Variants in COLEC12 observed in about 807,000 individuals in gnomAD.
The protein encoded by COLEC12 is collectin-12.
COLEC12 carries 33 observed loss-of-function variants against 71.1 expected under a neutral mutation model. That is an observed-to-expected ratio of 0.46 (90% CI 0.35 to 0.62). The LOEUF (loss-of-function observed/expected upper bound fraction) is 0.62. Among genes scored for constraint, COLEC12 ranks in the 20% least tolerant of loss-of-function variants. COLEC12 has a pLI of 0.00. For synonymous variants in COLEC12, 350 were observed against 353.0 expected, an observed-to-expected ratio of 0.99 and a Z score of 0.10; for missense variants, 765 against 916.1, an observed-to-expected ratio of 0.84 and a Z score of 2.13.
chr18:458,108 T>C lies in COLEC12; in HGVS notation c.58+22599A>G, dbSNP rs550426064. On this transcript the variant is annotated intron_variant, in intron 2 of 9. Transcript: ENST00000400256. ...TTAGATAAACCTCAAGTCCAAAAGT[T>C]GGAAAAAGAGAAAAACGTTCAGCTC... Among the ~76,000 whole-genome samples, 7 of 152,302 alleles carry C rather than the reference T, an allele frequency of 4.6e-5. No homozygotes were observed. In the South Asian group the frequency reaches 1.2e-3, roughly 27 times the overall value.
chr18:352,133 T>C (rs912183674), intron 3 of COLEC12, among the ~76,000 whole-genome samples: 2 of 152,346 alleles, frequency 1.3e-5, no homozygotes, highest in Admixed American at 6.5e-5. Flanking sequence ...GTTCTAATAA[T>C]CTGTACCTTA....
intron 4 of COLEC12, 76 bp from the exon 5 acceptor site, chr18:347,417 A>G: frequency 8.1e-7 from 1 of 1,234,178 alleles, no homozygotes; most frequent in Admixed American, 1.9e-5. Flanking sequence ...TCCCGAACAC[A>G]CTTAATCGGT....
chr18:337,794 G>T (rs973351237), intron 5 of COLEC12, among the ~76,000 whole-genome samples: 13 of 152,120 alleles, frequency 8.5e-5, no homozygotes, highest in Non-Finnish European at 1.5e-4. Flanking sequence ...TGAACTTCTT[G>T]TCTCTTTGCT....
intron 2 of COLEC12, among the ~76,000 whole-genome samples, chr18:358,565 A>G (rs1382562750): frequency 6.6e-6 from 1 of 152,162 alleles, no homozygotes; most frequent in Non-Finnish European, 1.5e-5. Context: ...TAATGCTGCC[A>G]CTGATCTGAC....
intron 2 of COLEC12, among the ~76,000 whole-genome samples, chr18:365,814 T>TCA (rs1914843931): frequency 6.6e-6 from 1 of 152,204 alleles, no homozygotes; most frequent in Non-Finnish European, 1.5e-5. Flanking sequence ...TCTGACCATG[T>TCA]TGGCACTCAG....
rs142831252 is a variant in COLEC12, at chr18:450,441, T to G, written c.58+30266A>C. On this transcript the variant is annotated intron_variant, in intron 2 of 9. Transcript: ENST00000400256. ...TGAGATCTGGTGGTTTACAAGTGTG[T>G]GGCATCTCCCCCACCTTCCTCCTGC... Among the ~76,000 whole-genome samples, 506 of 152,274 alleles carry G rather than the reference T, an allele frequency of 3.3e-3. 1 individual carries two copies. Among genetic ancestry groups the G allele is most frequent in the African/African-American group, 0.011 (468 of 41,544 alleles).
chr18:475,149 C>T (rs1917280641), intron 2 of COLEC12, among the ~76,000 whole-genome samples: 2 of 152,206 alleles, frequency 1.3e-5, no homozygotes, highest in South Asian at 4.2e-4. Context: ...TGAAACTCTC[C>T]CCTTAACTTG....
At chr18:472,024 T>C (rs1917208787) in intron 2 of COLEC12, among the ~76,000 whole-genome samples, 1 of 152,232 alleles carries the variant, frequency 6.6e-6, no homozygotes, top group African/African-American at 2.4e-5. Flanking sequence ...TCATAATACA[T>C]ACATTACATC....
intron 2 of COLEC12, among the ~76,000 whole-genome samples, chr18:400,519 G>A (rs1384521778): frequency 6.6e-6 from 1 of 152,128 alleles, no homozygotes; most frequent in East Asian, 1.9e-4. Flanking sequence ...ACCTTCTGAA[G>A]GGTAATTTCA....
At chr18:320,398 C>A (rs496226) in intron 9 of COLEC12, among the ~76,000 whole-genome samples, 1 of 152,148 alleles carries the variant, frequency 6.6e-6, no homozygotes, top group East Asian at 1.9e-4. Context: ...TGTTTTTCCC[C>A]CTCAACTGAC....
rs974289290 is a variant in COLEC12 at position 473,511 on chromosome 18, G to A, written c.58+7196C>T. On this transcript the variant is annotated intron_variant, in intron 2 of 9. Transcript: ENST00000400256. Reference sequence around the variant, plus strand: ...CCCGAGAAGCTGGGATTACAGGCGCGTGCCACAGCGCTCAGCTAATTTTGT... The same window carrying A: ...CCCGAGAAGCTGGGATTACAGGCGCATGCCACAGCGCTCAGCTAATTTTGT... Among the ~76,000 whole-genome samples the A allele has an allele frequency of 2.0e-4, 11 of 56,406 alleles. 1 individual carries two copies. Among genetic ancestry groups the A allele is most frequent in the Admixed American group, 3.9e-4 (2 of 5,114 alleles). 37.0% of individuals were successfully genotyped at this position (56,406 alleles called of 152,430 possible).
At chr18:463,821 A>G (rs1917033340) in intron 2 of COLEC12, among the ~76,000 whole-genome samples, 1 of 152,130 alleles carries the variant, frequency 6.6e-6, no homozygotes, top group Non-Finnish European at 1.5e-5. Flanking sequence ...TCTTTCACAT[A>G]AAACCATGTA....
chr18:435,128 G>A (rs901690385), intron 2 of COLEC12, among the ~76,000 whole-genome samples: 7 of 152,100 alleles, frequency 4.6e-5, no homozygotes, highest in African/African-American at 9.7e-5. Flanking sequence ...TTCTGGCACC[G>A]AGCACACTCT....
chr18:378,697 A>G (rs1200505181), intron 2 of COLEC12, among the ~76,000 whole-genome samples: 1 of 152,202 alleles, frequency 6.6e-6, no homozygotes, highest in Non-Finnish European at 1.5e-5. Flanking sequence ...TCAGTGCCAA[A>G]GGGTCTACTA....
chr18:356,955 G>A (rs893509742), intron 3 of COLEC12, among the ~76,000 whole-genome samples: 3 of 152,176 alleles, frequency 2.0e-5, no homozygotes, highest in Non-Finnish European at 4.4e-5. Flanking sequence ...AGAGAAAAAA[G>A]GGAATTAGTT....
rs1274281 is a variant in COLEC12 at position 368,680 on chromosome 18, T to A, written c.59-11158A>T. Among the ~76,000 whole-genome samples the A allele has an allele frequency of 7.6e-3, 1,155 of 151,412 alleles. 17 individuals are homozygous for A. Among genetic ancestry groups the A allele is most frequent in the African/African-American group, 0.027 (1,089 of 41,074 alleles). On this transcript the variant is annotated intron_variant, in intron 2 of 9. Coordinates refer to ENST00000400256, the MANE Select transcript of COLEC12 (RefSeq NM_130386.3). ...GAGATCGAGACCAGCCTGGCTAACA[T>A]GGTGAAACCCCGTCTCCACTAAAAA... is the stretch of plus-strand genomic sequence containing the variant.
At chr18:431,446 T>A (rs959215964) in intron 2 of COLEC12, among the ~76,000 whole-genome samples, 1 of 152,222 alleles carries the variant, frequency 6.6e-6, no homozygotes, top group Non-Finnish European at 1.5e-5. Context: ...CGTTGGCAGA[T>A]GCCTGAGACC....
intron 2 of COLEC12, among the ~76,000 whole-genome samples, chr18:464,800 G>A (rs1451737227): frequency 6.6e-6 from 1 of 152,214 alleles, no homozygotes; most frequent in African/African-American, 2.4e-5. Context: ...AACTCTCATT[G>A]TAAGGCCCAA....
chr18:446,853 T>C (rs560987551), intron 2 of COLEC12, among the ~76,000 whole-genome samples: 3 of 152,326 alleles, frequency 2.0e-5, no homozygotes, highest in East Asian at 1.9e-4. Flanking sequence ...TGAATCATTC[T>C]ATCCATTTAT....
Sources: allele counts gnomAD v4.1 joint callset (sites outside exome capture counted in the v4.1 genomes callset), GRCh38; gene constraint gnomAD v4.1.1; transcripts MANE v1.5; gene names NCBI Gene and HGNC (gene_info 2026-07-23, HGNC 2026-07-21).